Variants in CNTLN observed in about 807,000 individuals in gnomAD.
The protein encoded by CNTLN is centlein, also known as centlein, centrosomal protein.
CNTLN carries 212 observed loss-of-function variants against 180.0 expected under a neutral mutation model. The ratio of observed to expected loss-of-function variants is 1.18; its 90% CI spans 1.05 to 1.32. CNTLN has a LOEUF of 1.32. Among genes scored for constraint, CNTLN ranks in the 40% most tolerant of loss-of-function variants. The pLI, the probability that CNTLN is intolerant of heterozygous loss-of-function variation, is 0.00. For synonymous variants in CNTLN, 722 were observed against 563.1 expected, an observed-to-expected ratio of 1.28 and a Z score of -3.99; for missense variants, 2,095 against 1,610.9, an observed-to-expected ratio of 1.30 and a Z score of -5.14.
intron 13 of CNTLN, among the ~76,000 whole-genome samples, chr9:17,386,097 G>A (rs902369040): frequency 1.6e-4 from 25 of 151,802 alleles, no homozygotes; most frequent in African/African-American, 6.0e-4. Flanking sequence ...GAAACTTTTT[G>A]TATGAAGCTT....
chr9:17,158,422 A>C (rs1007145901), intron 2 of CNTLN, among the ~76,000 whole-genome samples: 7 of 152,082 alleles, frequency 4.6e-5, no homozygotes, highest in African/African-American at 1.7e-4. Context: ...GTGTTTCCTT[A>C]AATTTTATGA....
At chr9:17,348,129 C>T (rs1822060918) in intron 12 of CNTLN, among the ~76,000 whole-genome samples, 1 of 152,106 alleles carries the variant, frequency 6.6e-6, no homozygotes, top group Non-Finnish European at 1.5e-5. Context: ...CTGCGCCCAC[C>T]AAAACCCATT....
At chr9:17,190,607 T>C (rs1821733438) in intron 2 of CNTLN, among the ~76,000 whole-genome samples, 2 of 152,180 alleles carry the variant, frequency 1.3e-5, no homozygotes, top group African/African-American at 4.8e-5. Context: ...TAGGTAGTGA[T>C]CTTTATATCT....
intron 10 of CNTLN, among the ~76,000 whole-genome samples, chr9:17,340,187 T>C (rs1821364514): frequency 1.3e-5 from 2 of 152,076 alleles, no homozygotes; most frequent in Admixed American, 6.6e-5. Flanking sequence ...TTGACTATAA[T>C]TGTCTAACCT....
At chr9:17,438,306 A>ACCT (rs1829898663) in intron 18 of CNTLN, among the ~76,000 whole-genome samples, 2 of 152,180 alleles carry the variant, frequency 1.3e-5, no homozygotes, top group Non-Finnish European at 2.9e-5. Flanking sequence ...GATGATTAGG[A>ACCT]AGAGATCTAG....
intron 2 of CNTLN, among the ~76,000 whole-genome samples, chr9:17,156,793 C>T (rs1388542408): frequency 6.6e-6 from 1 of 151,912 alleles, no homozygotes; most frequent in Non-Finnish European, 1.5e-5. Flanking sequence ...TTTTAGTTTC[C>T]CATTGCATAT....
chr9:17,192,473 G>A (rs1428728621), intron 2 of CNTLN, among the ~76,000 whole-genome samples: 4 of 150,656 alleles, frequency 2.7e-5, no homozygotes, highest in Non-Finnish European at 4.4e-5. Context: ...TCCCGACCTC[G>A]TGATCCACCC....
intron 2 of CNTLN, among the ~76,000 whole-genome samples, chr9:17,198,516 C>T (rs1822287993): frequency 7.2e-6 from 1 of 139,014 alleles, no homozygotes; most frequent in East Asian, 2.1e-4. Flanking sequence ...AATCATTGTA[C>T]ATGGGATTAC....
chr9:17,371,479 T>A (rs1824311323), intron 13 of CNTLN, among the ~76,000 whole-genome samples: 1 of 152,182 alleles, frequency 6.6e-6, no homozygotes. Context: ...GCAAATATTA[T>A]TAGAGCTAAA....
chr9:17,301,573 C>A, intron 7 of CNTLN: 1 of 984,842 alleles, frequency 1.0e-6, no homozygotes, highest in Non-Finnish European at 1.2e-6. Flanking sequence ...GGGGGCTTCA[C>A]TGATACTTAA....
At chr9:17,417,028 T>G (rs2593396) in intron 18 of CNTLN, among the ~76,000 whole-genome samples, 118,860 of 152,052 alleles carry the variant, frequency 0.78, 48,843 homozygotes, top group Non-Finnish European at 0.93. Flanking sequence ...TGTTATGCCA[T>G]TTAAGAATTG....
Position 17,231,353 on chromosome 9 carries a change from T to G in CNTLN, c.535-4305T>G, listed in dbSNP as rs184304180. On this transcript the variant is annotated intron_variant, in intron 3 of 25. Transcript: ENST00000380647. The stretch of plus-strand genomic sequence containing the variant: ...TAGAAAGTTACACACACACACAGTT[T>G]TTTTTTAGCTGTTTGCAGAAAAACT... Among the ~76,000 whole-genome samples, 771 of 152,290 alleles carry G rather than the reference T, an allele frequency of 5.1e-3. 5 individuals are homozygous for G. Among genetic ancestry groups the G allele is most frequent in the Admixed American group, 7.9e-3 (121 of 15,276 alleles).
intron 18 of CNTLN, among the ~76,000 whole-genome samples, chr9:17,423,598 C>G (rs1240194610): frequency 6.6e-6 from 1 of 152,094 alleles, no homozygotes; most frequent in African/African-American, 2.4e-5. Context: ...GGCTCCAAGC[C>G]CAGCACAGCA....
At chr9:17,470,924 T>A (rs1832014936) in intron 23 of CNTLN, among the ~76,000 whole-genome samples, 2 of 152,066 alleles carry the variant, frequency 1.3e-5, no homozygotes, top group Admixed American at 6.6e-5. Flanking sequence ...TTGTGGAGCA[T>A]TAGAATTTTA....
chr9:17,198,099 C>A (rs1002710936), intron 2 of CNTLN, among the ~76,000 whole-genome samples: 1 of 151,974 alleles, frequency 6.6e-6, no homozygotes, highest in Non-Finnish European at 1.5e-5. Flanking sequence ...GTCTATGTGT[C>A]TGTTTTTATG....
intron 5 of CNTLN, among the ~76,000 whole-genome samples, chr9:17,270,757 T>A (rs1827875316): frequency 6.6e-6 from 1 of 152,132 alleles, no homozygotes; most frequent in Admixed American, 6.5e-5. Context: ...ATTGATTAAA[T>A]GTGTTGATAT....
chr9:17,236,613 A>G (rs777977188), intron 5 of CNTLN, 25 bp downstream of exon 5: 1 of 1,555,792 alleles, frequency 6.4e-7, no homozygotes, highest in South Asian at 1.2e-5. Context: ...TGGAATCCAT[A>G]CTCCTCTTTT....
At chr9:17,324,569 T>G (rs1820134434) in intron 8 of CNTLN, among the ~76,000 whole-genome samples, 1 of 152,152 alleles carries the variant, frequency 6.6e-6, no homozygotes, top group Admixed American at 6.5e-5. Context: ...TATTTACATG[T>G]CATAGAATAA....
intron 14 of CNTLN, among the ~76,000 whole-genome samples, chr9:17,392,170 G>A (rs1826166064): frequency 6.6e-6 from 1 of 152,112 alleles, no homozygotes; most frequent in South Asian, 2.1e-4. Context: ...GGGAGGCTAA[G>A]GTGGGAGGAT....
Sources: gnomAD v4.1 joint callset for allele counts (sites outside exome capture counted in the v4.1 genomes callset) on GRCh38, gnomAD v4.1.1 for gene constraint, MANE v1.5 for transcripts, NCBI Gene and HGNC (gene_info 2026-07-23, HGNC 2026-07-21) for gene names.